Variants in PDE7B observed in about 807,000 individuals in gnomAD.
PDE7B encodes the protein phosphodiesterase 7B, also known as 3',5'-cyclic-AMP phosphodiesterase 7B.
PDE7B carries 29 observed loss-of-function variants against 56.2 expected under a neutral mutation model. The ratio of observed to expected loss-of-function variants is 0.52; its 90% CI spans 0.38 to 0.70. The LOEUF (loss-of-function observed/expected upper bound fraction) is 0.70, where lower values mean the gene tolerates loss of function less well. PDE7B is among the 30% of genes least tolerant of loss of function. The pLI is 0.00. For missense variants in PDE7B, 490 were observed against 565.0 expected (o/e 0.87, Z 1.35); for synonymous variants, 197 against 196.9 (o/e 1.00, Z 0.00).
At chr6:136,091,362 GA>G (rs932316359) in intron 2 of PDE7B, among the ~76,000 whole-genome samples, 1 of 152,172 alleles carries the variant, frequency 6.6e-6, no homozygotes, top group African/African-American at 2.4e-5. Context: ...AAAAAGTAAA[GA>G]AAATGTTCTG....
intron 2 of PDE7B, among the ~76,000 whole-genome samples, chr6:136,052,353 C>T (rs768775168): frequency 7.9e-5 from 12 of 152,138 alleles, no homozygotes; most frequent in African/African-American, 2.4e-4. Flanking sequence ...TTCCTGGCTT[C>T]GGGTATGTGG....
intron 4 of PDE7B, among the ~76,000 whole-genome samples, chr6:136,148,513 G>A (rs377703635): frequency 1.3e-3 from 199 of 149,288 alleles, no homozygotes; most frequent in Non-Finnish European, 1.5e-3. Flanking sequence ...AATATATGCC[G>A]TTAGAAAATG....
At chr6:136,127,646 C>G (rs1778045043) in intron 3 of PDE7B, among the ~76,000 whole-genome samples, 1 of 152,082 alleles carries the variant, frequency 6.6e-6, no homozygotes, top group Admixed American at 6.5e-5. Flanking sequence ...GAAAAACACT[C>G]AAGAGTTAGG....
chr6:135,926,085 T>TGGG (rs948738463), intron 1 of PDE7B, among the ~76,000 whole-genome samples: 55 of 16,122 alleles, frequency 3.4e-3, no homozygotes, highest in Non-Finnish European at 3.9e-3. Context: ...TTCTTTTTTT[T>TGGG]GGGGGGGGGG....
At chr6:135,858,078 C>A (rs1775070677) in intron 1 of PDE7B, among the ~76,000 whole-genome samples, 1 of 151,940 alleles carries the variant, frequency 6.6e-6, no homozygotes. Flanking sequence ...TTAAAGTGAC[C>A]AGAAAAATTT....
At chr6:136,108,020 G>A (rs1020491137) in intron 2 of PDE7B, among the ~76,000 whole-genome samples, 32 of 151,546 alleles carry the variant, frequency 2.1e-4, no homozygotes, top group African/African-American at 6.5e-4. Context: ...CCAGCTACTC[G>A]GGAGGCTAAG....
intron 2 of PDE7B, among the ~76,000 whole-genome samples, chr6:136,065,225 A>G (rs1004594498): frequency 3.3e-5 from 5 of 152,192 alleles, no homozygotes; most frequent in African/African-American, 1.2e-4. Flanking sequence ...TTATGTTATT[A>G]ACCATTTCTC....
At chr6:136,077,788 T>C (rs1313847632) in intron 2 of PDE7B, among the ~76,000 whole-genome samples, 2 of 152,354 alleles carry the variant, frequency 1.3e-5, no homozygotes, top group East Asian at 3.9e-4. Flanking sequence ...ATTTTTCAAA[T>C]GTATGACATA....
In PDE7B at chr6:136,191,735, G is replaced by C. The variant is rs762412925; in HGVS notation, c.1248G>C (p.Leu416=). The C allele has an allele frequency of 6.2e-7, 1 of 1,608,532 alleles. No individual in the cohort carries two copies. Among genetic ancestry groups the C allele is most frequent in the East Asian group, 2.2e-5 (1 of 44,548 alleles). Residue 416 remains leucine (L), a synonymous_variant, in exon 13 of 13, where the codon CTG becomes CTC. Coordinates refer to ENST00000308191, the MANE Select transcript of PDE7B (RefSeq NM_018945.4). ...LAHNKAQWKS[L]LPRQHRSRGS... Reference sequence around the variant, plus strand: ...ACAACAAGGCCCAGTGGAAGAGCCTGTTGCCCAGGCAGCACAGAAGCAGGG... The same window carrying C: ...ACAACAAGGCCCAGTGGAAGAGCCTCTTGCCCAGGCAGCACAGAAGCAGGG...
At chr6:135,918,582 G>C (rs1774002692) in intron 1 of PDE7B, among the ~76,000 whole-genome samples, 1 of 152,038 alleles carries the variant, frequency 6.6e-6, no homozygotes, top group Non-Finnish European at 1.5e-5. Flanking sequence ...GCAAAAGACA[G>C]CGTATCCCCT....
chr6:136,171,257 T>G (rs558993281), intron 8 of PDE7B, among the ~76,000 whole-genome samples: 1 of 152,320 alleles, frequency 6.6e-6, no homozygotes, highest in East Asian at 1.9e-4. Context: ...AATGTTAAGA[T>G]AATTGAGCAA....
intron 2 of PDE7B, among the ~76,000 whole-genome samples, chr6:135,984,887 G>A (rs1447683394): frequency 6.6e-6 from 1 of 151,958 alleles, no homozygotes; most frequent in Non-Finnish European, 1.5e-5. Context: ...ACACTTTTCT[G>A]ATCCCACCTG....
chr6:136,177,571 T>A (rs1407835921), intron 9 of PDE7B, among the ~76,000 whole-genome samples: 1 of 152,032 alleles, frequency 6.6e-6, no homozygotes, highest in African/African-American at 2.4e-5. Flanking sequence ...TAAACAAAAT[T>A]CATATTAAAA....
chr6:136,173,993 C>T (rs958602050), intron 9 of PDE7B, 105 bp downstream of exon 9: 166 of 771,416 alleles, frequency 2.2e-4, no homozygotes, highest in African/African-American at 2.6e-4. Flanking sequence ...GAGAGCCCCC[C>T]GGCTGTACTT....
At chr6:136,038,046 C>T (rs751277224) in intron 2 of PDE7B, 2 of 1,332,094 alleles carry the variant, frequency 1.5e-6, no homozygotes, top group Non-Finnish European at 2.0e-6. Flanking sequence ...GGAAGTGAAT[C>T]GCTCTCGTCG....
At chr6:136,137,348 A>G (rs543907938) in intron 3 of PDE7B, among the ~76,000 whole-genome samples, 1 of 152,292 alleles carries the variant, frequency 6.6e-6, no homozygotes, top group South Asian at 2.1e-4. Flanking sequence ...TATTAGAATT[A>G]CTAGCTCAAT....
At chr6:136,137,396 G>T (rs1180495704) in intron 3 of PDE7B, among the ~76,000 whole-genome samples, 1 of 152,088 alleles carries the variant, frequency 6.6e-6, no homozygotes. Context: ...ATTATTAAGA[G>T]GTTCAGTTGG....
chr6:135,853,966 T>C (rs1454463760), intron 1 of PDE7B, among the ~76,000 whole-genome samples: 1 of 152,230 alleles, frequency 6.6e-6, no homozygotes, highest in Non-Finnish European at 1.5e-5. Context: ...TCATGTGTTT[T>C]TGAAAAGCAC....
chr6:136,090,059 G>T (rs1777361290), intron 2 of PDE7B, among the ~76,000 whole-genome samples: 1 of 152,096 alleles, frequency 6.6e-6, no homozygotes, highest in Non-Finnish European at 1.5e-5. Context: ...AAATTAGATT[G>T]TTGTGGGTTT....
Sources: gnomAD v4.1 joint callset for allele counts (sites outside exome capture counted in the v4.1 genomes callset) on GRCh38, gnomAD v4.1.1 for gene constraint, MANE v1.5 for transcripts, NCBI Gene and HGNC (gene_info 2026-07-23, HGNC 2026-07-21) for gene names.